Variants in CTSB observed in about 807,000 individuals in gnomAD.
CTSB encodes APP secretase.
A neutral mutation model predicts 44.3 loss-of-function variants in CTSB; 57 were observed. That is an observed-to-expected ratio of 1.29 (90% confidence interval 1.04 to 1.60). The LOEUF (loss-of-function observed/expected upper bound fraction) is 1.60. CTSB is among the 40% of genes most tolerant of loss of function. The pLI is 0.00. For missense variants in CTSB, 768 were observed against 443.0 expected (o/e 1.73, Z -6.59); for synonymous variants, 320 against 168.0 (o/e 1.91, Z -7.00).
In CTSB at chr8:11,843,002, G is replaced by T. The variant is rs537042972; in HGVS notation, c.*2123C>A. On this transcript the variant is annotated 3_prime_UTR_variant, in exon 10 of 10. Coordinates refer to ENST00000353047, the MANE Select transcript of CTSB (RefSeq NM_001908.5). The stretch of plus-strand genomic sequence containing the variant: ...CTTGCGCTGTCACCGAGGCTGGAGT[G>T]CACTGGCACTGTCTTGGCTCACTGC... 5.0e-5 allele frequency: 7 copies of T among 139,854 alleles called. No homozygotes were observed. Among genetic ancestry groups the T allele is most frequent in the African/African-American group, 1.9e-4 (7 of 37,122 alleles). 8.7% of individuals were successfully genotyped at this position (139,854 alleles called of 1,614,324 possible).
chr8:11,845,402 C>A (rs1186468292), intron 9 of CTSB, among the ~76,000 whole-genome samples, 180 bp from the exon 10 acceptor site: 2 of 152,230 alleles, frequency 1.3e-5, no homozygotes, highest in Non-Finnish European at 2.9e-5. Flanking sequence ...GGGCAAGCCC[C>A]CTGCCCGGTC....
At chr8:11,851,313 C>T (rs1298037921) in intron 3 of CTSB, among the ~76,000 whole-genome samples, 1 of 152,112 alleles carries the variant, frequency 6.6e-6, no homozygotes, top group Admixed American at 6.5e-5. Context: ...CCTCAGCCTC[C>T]TGAGTAGCTG....
At chr8:11,859,634 G>A (rs1187066067) in intron 1 of CTSB, among the ~76,000 whole-genome samples, 1 of 151,950 alleles carries the variant, frequency 6.6e-6, no homozygotes, top group African/African-American at 2.4e-5. Context: ...CAGGCACGGT[G>A]GTGGGTGCCT....
chr8:11,846,570 A>C (rs900539529), intron 8 of CTSB, among the ~76,000 whole-genome samples: 1 of 152,202 alleles, frequency 6.6e-6, no homozygotes, highest in Admixed American at 6.5e-5. Context: ...ACCCAGGGCA[A>C]GGTCCTCCCT....
chr8:11,858,408 C>G (rs1815870773), intron 1 of CTSB, among the ~76,000 whole-genome samples: 1 of 152,152 alleles, frequency 6.6e-6, no homozygotes, highest in Non-Finnish European at 1.5e-5. Flanking sequence ...GATCTGCTCC[C>G]CTCAGCCTCC....
chr8:11,856,190 G>A (rs1311356009), intron 1 of CTSB, among the ~76,000 whole-genome samples: 1 of 142,944 alleles, frequency 7.0e-6, no homozygotes, highest in Non-Finnish European at 1.5e-5. Context: ...AGTGCCTGGG[G>A]TGGGTGGGCA....
chr8:11,851,946 C>T (rs897972509), intron 3 of CTSB, among the ~76,000 whole-genome samples: 1 of 152,170 alleles, frequency 6.6e-6, no homozygotes, highest in African/African-American at 2.4e-5. Flanking sequence ...GGATTACAGG[C>T]GTGAGCCACC....
At chr8:11,866,612 C>G (rs1266242039) in intron 1 of CTSB, among the ~76,000 whole-genome samples, 2 of 152,240 alleles carry the variant, frequency 1.3e-5, no homozygotes, top group African/African-American at 2.4e-5. Flanking sequence ...GGCACCGTGA[C>G]TCACCGGGAG....
At position 11,867,940 on chromosome 8, in the gene CTSB, G is replaced by C. The variant is rs958593149; in HGVS notation, c.-26+61C>G. 21 of 152,224 alleles carry C rather than the reference G, an allele frequency of 1.4e-4. 1 individual carries two copies. The East Asian group carries it at 3.7e-3, about 27-fold the overall frequency. The allele number at this position is 152,224 out of a possible 1,614,324, so 9.4% of individuals were successfully genotyped here. ...GCAGAGGAACCCGTCTCGGCGGCCG[G>C]GTAGCACCGTCCCCGCCAAGGTCAC... On this transcript the variant is annotated intron_variant, in intron 1 of 9. Transcript: ENST00000353047.
At position 11,844,989 on chromosome 8, in the gene CTSB, G is replaced by C; in HGVS notation, c.*136C>G. ...ATGTAGCCAGGACTTGGTCTCCTTG[G>C]AAGACAGGTCTGATGTTTGGCCAAT... On this transcript the variant is annotated 3_prime_UTR_variant, in exon 10 of 10. Transcript: ENST00000353047. 1.5e-6 allele frequency: 1 copy of C among 653,234 alleles called. No homozygotes were observed. The highest frequency in any genetic ancestry group is 1.8e-5 in the African/African-American group (1 of 55,472). 40.5% of individuals were successfully genotyped at this position (653,234 alleles called of 1,614,324 possible). A position where few individuals can be genotyped will look rare whatever the true frequency, so the allele number is the denominator to read the frequency against.
chr8:11,844,905 C>T lies in CTSB; in HGVS notation c.*220G>A, dbSNP rs374737515. On this transcript the variant is annotated 3_prime_UTR_variant, in exon 10 of 10. Transcript: ENST00000353047. ...CGGCACTAGTCTACAGGGGGAAGGA[C>T]GCTCTGTGCTGGCAGCGGTGGCTCA... is the stretch of plus-strand genomic sequence containing the variant. 35 of 560,620 alleles carry T rather than the reference C, an allele frequency of 6.2e-5. No homozygotes were observed. The East Asian group carries it at 6.4e-4, about 10-fold the overall frequency. 34.7% of individuals were successfully genotyped at this position (560,620 alleles called of 1,614,324 possible). A position where few individuals can be genotyped will look rare whatever the true frequency, so the allele number is the denominator to read the frequency against.
rs906266526 is a variant in CTSB, at chr8:11,844,246, A to T, written c.*879T>A. 2 of 152,240 alleles carry T rather than the reference A, an allele frequency of 1.3e-5. No homozygotes were observed. The highest frequency in any genetic ancestry group is 4.8e-5 in the African/African-American group (2 of 41,460). The allele number at this position is 152,240 out of a possible 1,614,324, so 9.4% of individuals were successfully genotyped here. A position where few individuals can be genotyped will look rare whatever the true frequency, so the allele number is the denominator to read the frequency against. ...GCAGTTCCAGGACGTGATTCTCTGCAGGGACAAAGAGAGACAGCAGCTACA... is the reference window on the plus strand; with the variant it reads ...GCAGTTCCAGGACGTGATTCTCTGCTGGGACAAAGAGAGACAGCAGCTACA... On this transcript the variant is annotated 3_prime_UTR_variant, in exon 10 of 10. Coordinates refer to ENST00000353047, the MANE Select transcript of CTSB (RefSeq NM_001908.5).
At chr8:11,856,619 A>C (rs71518541) in intron 1 of CTSB, among the ~76,000 whole-genome samples, 1 of 152,140 alleles carries the variant, frequency 6.6e-6, no homozygotes, top group African/African-American at 2.4e-5. Context: ...AAAGTAAAAA[A>C]CCAACTAGTT....
chr8:11,850,792 C>T (rs1428025955), intron 4 of CTSB, 74 bp downstream of exon 4: 8 of 1,075,872 alleles, frequency 7.4e-6, no homozygotes, highest in African/African-American at 1.6e-5. Flanking sequence ...GTCCCCACCC[C>T]GAATCCCCCA....
intron 1 of CTSB, among the ~76,000 whole-genome samples, chr8:11,864,156 A>C (rs761261675): frequency 4.6e-5 from 7 of 152,064 alleles, no homozygotes; most frequent in Non-Finnish European, 1.0e-4. Context: ...AACATTGTTT[A>C]TACACTGATG....
At chr8:11,862,290 C>T (rs1279064217) in intron 1 of CTSB, 1 of 152,060 alleles carries the variant, frequency 6.6e-6, no homozygotes, top group African/African-American at 2.4e-5. Context: ...GAACAGATAC[C>T]CATCTCGCAA....
chr8:11,845,493 T>C (rs10107851), intron 9 of CTSB, among the ~76,000 whole-genome samples, 168 bp downstream of exon 9: 8,012 of 152,244 alleles, frequency 0.053, 338 homozygotes, highest in African/African-American at 0.12. Context: ...GAGTCTGCCC[T>C]CACAGCAAAA....
At chr8:11,845,353 ACAC>A (rs1411489740) in intron 9 of CTSB, 131 bp from the exon 10 acceptor site, 1 of 720,708 alleles carries the variant, frequency 1.4e-6, no homozygotes, top group Non-Finnish European at 2.4e-6. Flanking sequence ...ACAGTCCTCA[ACAC>A]CACAAGGCTT....
intron 9 of CTSB, 50 bp from the exon 10 acceptor site, chr8:11,845,272 T>C (rs1418050418): frequency 7.2e-7 from 1 of 1,395,442 alleles, no homozygotes; most frequent in Non-Finnish European, 1.0e-6. Flanking sequence ...GGTCAACCAA[T>C]ATAGTCAGAC....
Sources: gnomAD v4.1 joint callset for allele counts (sites outside exome capture counted in the v4.1 genomes callset) on GRCh38, gnomAD v4.1.1 for gene constraint, MANE v1.5 for transcripts, NCBI Gene and HGNC (gene_info 2026-07-23, HGNC 2026-07-21) for gene names.